The following CRACDL variants were observed in gnomAD, a reference collection of about 807,000 sequenced individuals.
CRACDL encodes CRACD-like protein.
CRACDL carries 26 observed loss-of-function variants against 70.6 expected under a neutral mutation model. That is an observed-to-expected ratio of 0.37 (90% CI 0.27 to 0.51). The LOEUF is 0.51. Among genes scored for constraint, CRACDL ranks in the 20% least tolerant of loss-of-function variants. The pLI, the probability that CRACDL is intolerant of heterozygous loss-of-function variation, is 0.94. For missense variants in CRACDL, 1,283 were observed against 1,376.9 expected, an observed-to-expected ratio of 0.93 and a Z score of 1.08; for synonymous variants, 618 against 615.2, an observed-to-expected ratio of 1.00 and a Z score of -0.07.
chr2:98,861,687 C>G (rs1706943550), intron 1 of CRACDL, among the ~76,000 whole-genome samples: 1 of 152,166 alleles, frequency 6.6e-6, no homozygotes, highest in Admixed American at 6.5e-5. Context: ...TGCAATTGCA[C>G]TAGCAGAATC....
intron 6 of CRACDL, among the ~76,000 whole-genome samples, chr2:98,825,990 G>C (rs1029192487): frequency 2.2e-4 from 33 of 152,202 alleles, no homozygotes; most frequent in Admixed American, 2.2e-3. Context: ...ATGAGGGAAG[G>C]ACAGAGGACA....
intron 7 of CRACDL, among the ~76,000 whole-genome samples, chr2:98,816,398 C>G (rs781585460): frequency 6.6e-6 from 1 of 152,114 alleles, no homozygotes; most frequent in African/African-American, 2.4e-5. Flanking sequence ...TTAGGCCACT[C>G]AGGATTGTTC....
chr2:98,893,045 T>C (rs1708018930), intron 1 of CRACDL, among the ~76,000 whole-genome samples: 2 of 152,182 alleles, frequency 1.3e-5, no homozygotes, highest in Admixed American at 1.3e-4. Context: ...CATCACCCCT[T>C]GCAGGAGCAT....
rs1171929094 is a variant in CRACDL, at chr2:98,838,223, C to T, written c.135G>A (p.Ser45=). The T allele has an allele frequency of 2.5e-6, 4 of 1,613,326 alleles. No individual in the cohort carries two copies. The highest frequency in any genetic ancestry group is 3.4e-6 in the Non-Finnish European group (4 of 1,179,558). The change falls in exon 3 of 10, where the codon TCG becomes TCA. Residue 45 remains serine, a synonymous_variant. Coordinates refer to ENST00000397899, the MANE Select transcript of CRACDL (RefSeq NM_207362.3). ...AGGTGCTACTTCCTGTGGACGACGG[C>T]GATTCTTTTCTCTTCTTCTTCCCAA... is the stretch of plus-strand genomic sequence containing the variant. ...KFFGKKKRKE[S]PSSTGSSTWK...
At chr2:98,924,329 G>A (rs1708866476) in intron 1 of CRACDL, among the ~76,000 whole-genome samples, 1 of 152,136 alleles carries the variant, frequency 6.6e-6, no homozygotes, top group African/African-American at 2.4e-5. Context: ...GCCCCACCTT[G>A]GTCTCCTGGG....
rs368464033 is a variant in CRACDL at position 98,915,617 on chromosome 2, T to A, written c.-11+20321A>T. On this transcript the variant is annotated intron_variant, in intron 1 of 9. Coordinates refer to ENST00000397899, the MANE Select transcript of CRACDL (RefSeq NM_207362.3). ...AGAGCCACAGAGTGATGGTAGGGGC[T>A]GCACTGGGCAGGCAAAGAGGGGACT... 3.0e-4 allele frequency among the ~76,000 whole-genome samples: 46 copies of A among 152,074 alleles called. 1 individual carries two copies. The highest frequency in any genetic ancestry group is 1.7e-3 in the East Asian group (9 of 5,174).
intron 1 of CRACDL, among the ~76,000 whole-genome samples, chr2:98,906,574 A>G (rs1418964029): frequency 6.6e-6 from 1 of 152,112 alleles, no homozygotes; most frequent in Non-Finnish European, 1.5e-5. Context: ...CCAACCAGTG[A>G]ATTCCTCATT....
At chr2:98,797,576 T>G in intron 7 of CRACDL, 39 bp from the exon 8 acceptor site, 1 of 1,593,954 alleles carries the variant, frequency 6.3e-7, no homozygotes, top group Non-Finnish European at 8.6e-7. Context: ...AACAGTCCTA[T>G]TCCCTCTTCG....
intron 6 of CRACDL, among the ~76,000 whole-genome samples, chr2:98,825,223 A>C (rs1437932321): frequency 6.6e-6 from 1 of 152,192 alleles, no homozygotes; most frequent in African/African-American, 2.4e-5. Context: ...ATGGAGGAAA[A>C]TATGGACACC....
chr2:98,824,562 T>C (rs895672131), intron 6 of CRACDL, among the ~76,000 whole-genome samples: 1 of 152,086 alleles, frequency 6.6e-6, no homozygotes, highest in South Asian at 2.1e-4. Context: ...AAGTAACATG[T>C]GGAAATGACG....
chr2:98,903,251 C>A (rs1339583759), intron 1 of CRACDL, among the ~76,000 whole-genome samples: 1 of 152,180 alleles, frequency 6.6e-6, no homozygotes, highest in Non-Finnish European at 1.5e-5. Flanking sequence ...TCCCTTTGGG[C>A]CTCAGCTTCC....
chr2:98,846,702 T>TC, intron 2 of CRACDL, 29 bp downstream of exon 2: 29 of 1,599,112 alleles, frequency 1.8e-5, no homozygotes, highest in Non-Finnish European at 2.5e-5. Context: ...GCAAGTGCCC[T>TC]CCCCAGAGCA....
intron 1 of CRACDL, among the ~76,000 whole-genome samples, chr2:98,847,469 C>A (rs1262345256): frequency 6.6e-6 from 1 of 152,134 alleles, no homozygotes; most frequent in Non-Finnish European, 1.5e-5. Context: ...CAAGGTATGG[C>A]TAATCTTGCT....
At chr2:98,891,159 A>G (rs1283236184) in intron 1 of CRACDL, among the ~76,000 whole-genome samples, 1 of 151,940 alleles carries the variant, frequency 6.6e-6, no homozygotes, top group Admixed American at 6.6e-5. Flanking sequence ...TGGGCGGATC[A>G]CTTGAGGTCA....
chr2:98,913,953 G>C (rs1708605073), intron 1 of CRACDL, among the ~76,000 whole-genome samples: 1 of 152,242 alleles, frequency 6.6e-6, no homozygotes, highest in Non-Finnish European at 1.5e-5. Flanking sequence ...TTTATGCGCA[G>C]CCCTAGGACC....
chr2:98,847,125 T>C (rs1706293668), intron 1 of CRACDL, among the ~76,000 whole-genome samples: 1 of 152,226 alleles, frequency 6.6e-6, no homozygotes. Context: ...AGAAATGATT[T>C]TTTTCTCTTG....
At chr2:98,922,496 C>T (rs1003671673) in intron 1 of CRACDL, among the ~76,000 whole-genome samples, 4 of 151,786 alleles carry the variant, frequency 2.6e-5, no homozygotes, top group Non-Finnish European at 4.4e-5. Flanking sequence ...AACACTTTCA[C>T]AAGCCTCTCA....
At chr2:98,932,055 G>T (rs2104711087) in intron 1 of CRACDL, among the ~76,000 whole-genome samples, 1 of 152,352 alleles carries the variant, frequency 6.6e-6, no homozygotes, top group South Asian at 2.1e-4. Flanking sequence ...TCTAGAAAGA[G>T]CATTATTTGA....
At chr2:98,915,864 T>C (rs1272067827) in intron 1 of CRACDL, among the ~76,000 whole-genome samples, 1 of 151,996 alleles carries the variant, frequency 6.6e-6, no homozygotes, top group East Asian at 1.9e-4. Flanking sequence ...AAATCAAAGC[T>C]CTGACCATGA....
Sources: allele counts gnomAD v4.1 joint callset (sites outside exome capture counted in the v4.1 genomes callset), GRCh38; gene constraint gnomAD v4.1.1; transcripts MANE v1.5; gene names NCBI Gene and HGNC (gene_info 2026-07-23, HGNC 2026-07-21).